COL11A1: variants seen among roughly 807,000 people sequenced by gnomAD.
COL11A1 encodes collagen alpha-1(XI) chain.
Under a neutral mutation model 265.2 loss-of-function variants are expected in COL11A1, and 74 were observed. That is an observed-to-expected ratio of 0.28 (90% confidence interval 0.23 to 0.34). COL11A1 has a LOEUF of 0.34. Ranked by LOEUF, COL11A1 falls within the 10% of genes least tolerant of loss-of-function variation. COL11A1 has a pLI of 1.00. For missense variants in COL11A1, 2,165 were observed against 2,263.6 expected (o/e 0.96, Z 0.88); for synonymous variants, 816 against 727.6 (o/e 1.12, Z -1.96).
intron 41 of COL11A1, among the ~76,000 whole-genome samples, chr1:102,947,778 G>A (rs527539474): frequency 6.6e-6 from 1 of 151,820 alleles, no homozygotes; most frequent in South Asian, 2.1e-4. Context: ...TAAAAGAAAT[G>A]CAAACATACA....
At chr1:103,061,167 C>T (rs1342200267) in intron 4 of COL11A1, among the ~76,000 whole-genome samples, 1 of 152,034 alleles carries the variant, frequency 6.6e-6, no homozygotes, top group Non-Finnish European at 1.5e-5. Context: ...TAAAGTGAGG[C>T]ATTACATGAT....
chr1:102,984,232 T>C, intron 30 of COL11A1, 41 bp from the exon 31 acceptor site: 3 of 1,286,242 alleles, frequency 2.3e-6, no homozygotes, highest in Non-Finnish European at 2.2e-6. Flanking sequence ...ATATTTTAAG[T>C]TGAATTAAGC....
At position 103,036,779 on chromosome 1, in the gene COL11A1, A is replaced by C. The variant is rs186886035; in HGVS notation, c.652-5535T>G. 3.1e-3 allele frequency among the ~76,000 whole-genome samples: 468 copies of C among 152,158 alleles called. 3 individuals are homozygous for C. The highest frequency in any genetic ancestry group is 0.011 in the African/African-American group (450 of 41,542). On this transcript the variant is annotated intron_variant, in intron 4 of 66. Transcript: ENST00000370096. Reference sequence around the variant, plus strand: ...AAAAAAGGTAAAGTTATTGAGTAAAACTGGCATCTTTAGCATACAAGGCAT... The same window carrying C: ...AAAAAAGGTAAAGTTATTGAGTAAACCTGGCATCTTTAGCATACAAGGCAT...
chr1:103,014,380 C>T, intron 13 of COL11A1, 131 bp downstream of exon 13: 4 of 796,870 alleles, frequency 5.0e-6, no homozygotes, highest in Non-Finnish European at 8.4e-6. Context: ...TAGCAGTTTT[C>T]CAAGTAAGTT....
intron 31 of COL11A1, among the ~76,000 whole-genome samples, chr1:102,983,012 C>G (rs900194196): frequency 6.6e-6 from 1 of 152,002 alleles, no homozygotes; most frequent in African/African-American, 2.4e-5. Context: ...CTGAAACTAT[C>G]CCGCACTTCT....
chr1:103,013,402 A>G (rs2101894605), intron 13 of COL11A1, among the ~76,000 whole-genome samples: 1 of 152,056 alleles, frequency 6.6e-6, no homozygotes, highest in South Asian at 2.1e-4. Context: ...GAGGAATTCA[A>G]TGACCTCATA....
chr1:103,083,244 G>A (rs1481542938), intron 1 of COL11A1, among the ~76,000 whole-genome samples: 2 of 70,618 alleles, frequency 2.8e-5, no homozygotes, highest in South Asian at 5.4e-4. Context: ...GTGTGTGTCT[G>A]TGTCTGTGTG....
At chr1:102,902,420 T>C (rs1653327894) in intron 54 of COL11A1, among the ~76,000 whole-genome samples, 3 of 152,148 alleles carry the variant, frequency 2.0e-5, no homozygotes, top group African/African-American at 7.2e-5. Flanking sequence ...TTTGAACATG[T>C]TAAATGAACA....
chr1:103,025,811 G>A lies in COL11A1; in HGVS notation c.898-198C>T, dbSNP rs547363668. 3 of 1,613,182 alleles carry A rather than the reference G, an allele frequency of 1.9e-6. No homozygotes were observed. In the African/African-American group the frequency reaches 4.0e-5, roughly 22 times the overall value. On this transcript the variant is annotated intron_variant, in intron 6 of 66. Coordinates refer to ENST00000370096, the MANE Select transcript of COL11A1 (RefSeq NM_001854.4). ...TTTTTCTTCGCTACCTTTACCCCTA[G>A]TTTGGCTTTTGCTGATGCTTGATAA...
At chr1:102,967,300 G>A (rs1174960774) in intron 37 of COL11A1, among the ~76,000 whole-genome samples, 2 of 124,174 alleles carry the variant, frequency 1.6e-5, no homozygotes, top group East Asian at 5.2e-4. Context: ...GAGTGCAGTG[G>A]CGCGATCTCG....
At chr1:103,002,371 A>G in intron 23 of COL11A1, 57 bp downstream of exon 23, 1 of 1,401,630 alleles carries the variant, frequency 7.1e-7, no homozygotes, top group Non-Finnish European at 1.0e-6. Flanking sequence ...ATTTTCTTAT[A>G]GAAAGATAGC....
Position 102,954,047 on chromosome 1 carries a change from G to T in COL11A1, c.3169-7091C>A, listed in dbSNP as rs376451527. Among the ~76,000 whole-genome samples, 3 of 152,150 alleles carry T rather than the reference G, an allele frequency of 2.0e-5. No homozygotes were observed. The East Asian group carries it at 5.8e-4, about 29-fold the overall frequency. ...ATATCATAAGTGTTCTGTTATTTCG[G>T]TACTAAATATTAACAACTATGGAAA... On this transcript the variant is annotated intron_variant, in intron 41 of 66. Transcript: ENST00000370096.
At chr1:102,963,420 T>C (rs1661106200) in intron 38 of COL11A1, among the ~76,000 whole-genome samples, 1 of 152,152 alleles carries the variant, frequency 6.6e-6, no homozygotes, top group Admixed American at 6.5e-5. Context: ...ATCAGGTCAT[T>C]TACGTGTCCC....
intron 4 of COL11A1, among the ~76,000 whole-genome samples, chr1:103,052,628 C>G (rs553469434): frequency 6.6e-6 from 1 of 152,198 alleles, no homozygotes; most frequent in Admixed American, 6.5e-5. Flanking sequence ...TATTTTATTT[C>G]AACAGAGAAT....
At chr1:102,932,327 G>T (rs377202054) in intron 46 of COL11A1, among the ~76,000 whole-genome samples, 2 of 152,066 alleles carry the variant, frequency 1.3e-5, no homozygotes, top group African/African-American at 4.8e-5. Context: ...GTCTGTAAAG[G>T]ATTTTATTTC....
At chr1:102,930,793 A>G (rs6658351) in intron 46 of COL11A1, among the ~76,000 whole-genome samples, 14,309 of 151,232 alleles carry the variant, frequency 0.095, 745 homozygotes, top group African/African-American at 0.14. Flanking sequence ...CTATTCAGAG[A>G]TTCAACTTCT....
chr1:102,998,953 A>C (rs535046022), intron 24 of COL11A1, among the ~76,000 whole-genome samples: 1 of 152,096 alleles, frequency 6.6e-6, no homozygotes, highest in Middle Eastern at 3.4e-3. Context: ...TTAACCACAC[A>C]GAGTTTCAAA....
At chr1:102,955,732 A>T (rs781713441) in intron 41 of COL11A1, among the ~76,000 whole-genome samples, 1 of 152,094 alleles carries the variant, frequency 6.6e-6, no homozygotes, top group Non-Finnish European at 1.5e-5. Flanking sequence ...GAAATCTGAG[A>T]ATTTGTTGCA....
intron 36 of COL11A1, among the ~76,000 whole-genome samples, chr1:102,972,108 G>T (rs2101636757): frequency 6.6e-6 from 1 of 152,236 alleles, no homozygotes; most frequent in African/African-American, 2.4e-5. Context: ...AACAATTTCT[G>T]TGCCTTATCA....
Sources: allele counts gnomAD v4.1 joint callset (sites outside exome capture counted in the v4.1 genomes callset), GRCh38; gene constraint gnomAD v4.1.1; transcripts MANE v1.5; gene names NCBI Gene and HGNC (gene_info 2026-07-23, HGNC 2026-07-21).